UBE4A: variants seen among roughly 807,000 people sequenced by gnomAD.
UBE4A encodes the protein ubiquitination factor E4A.
Under a neutral mutation model 117.9 loss-of-function variants are expected in UBE4A, and 48 were observed. The observed-to-expected ratio is 0.41, with a 90% CI of 0.32 to 0.52. UBE4A has a LOEUF of 0.52. Among genes scored for constraint, UBE4A ranks in the 20% least tolerant of loss-of-function variants. The pLI is 0.33. For missense variants in UBE4A, 1,067 were observed against 1,296.3 expected (o/e 0.82, Z 2.72); for synonymous variants, 407 against 450.0 (o/e 0.90, Z 1.21).
chr11:118,379,990 A>C (rs922379072), intron 11 of UBE4A, among the ~76,000 whole-genome samples: 1 of 152,188 alleles, frequency 6.6e-6, no homozygotes, highest in Non-Finnish European at 1.5e-5. Context: ...GATTAAGTGT[A>C]ATCAGAGTTT....
Position 118,375,141 on chromosome 11 carries a change from C to T in UBE4A, c.1362C>T (p.Ser454=). Residue 454 remains serine (S), a synonymous_variant, in exon 9 of 20, where the codon TCC becomes TCT. Transcript: ENST00000252108. ...KLCQPFCKPR[S]SRLLTFNPTY... Reference sequence around the variant, plus strand: ...GCCAGCCATTTTGCAAACCCAGATCCTCTCGGCTCCTCACCTTTAATCCCA... The same window carrying T: ...GCCAGCCATTTTGCAAACCCAGATCTTCTCGGCTCCTCACCTTTAATCCCA... 6.2e-7 allele frequency: 1 copy of T among 1,614,172 alleles called. No individual in the cohort carries two copies. Among genetic ancestry groups the T allele is most frequent in the Non-Finnish European group, 8.5e-7 (1 of 1,180,030 alleles).
At chr11:118,396,269 G>A (rs781855591) in intron 19 of UBE4A, 45 bp from the exon 20 acceptor site, 48 of 1,584,770 alleles carry the variant, frequency 3.0e-5, no homozygotes, top group South Asian at 3.5e-5. Flanking sequence ...TAGAATGTTA[G>A]AACTTATGGA....
Position 118,389,705 on chromosome 11 carries a change from G to C in UBE4A, c.2588-20G>C, listed in dbSNP as rs1163791524. ...AGTGCTAATGGATTGAGTTTTCAGA[G>C]ACTTTGGATTCTTTTCCAGAGATCA... On this transcript the variant is annotated intron_variant, in intron 16 of 19. Coordinates refer to ENST00000252108, the MANE Select transcript of UBE4A (RefSeq NM_001204077.2). 6.4e-7 allele frequency: 1 copy of C among 1,564,168 alleles called. No individual in the cohort carries two copies. The highest frequency in any genetic ancestry group is 8.7e-7 in the Non-Finnish European group (1 of 1,144,266).
chr11:118,383,982 G>A lies in UBE4A; in HGVS notation c.2198-653G>A, dbSNP rs1053208507. 3.3e-5 allele frequency among the ~76,000 whole-genome samples: 5 copies of A among 152,238 alleles called. No individual in the cohort carries two copies. In the South Asian group the frequency reaches 1.0e-3, roughly 32 times the overall value. ...TATGTGACCATACAACCAAAGTGTTGTAATGGAGTACAATTTCTGTTTTAT... is the reference window on the plus strand; with the variant it reads ...TATGTGACCATACAACCAAAGTGTTATAATGGAGTACAATTTCTGTTTTAT... On this transcript the variant is annotated intron_variant, in intron 13 of 19. Coordinates refer to ENST00000252108, the MANE Select transcript of UBE4A (RefSeq NM_001204077.2).
At chr11:118,385,050 CT>C (rs782335448) in intron 15 of UBE4A, 105 bp downstream of exon 15, 2 of 1,018,666 alleles carry the variant, frequency 2.0e-6, no homozygotes, top group Non-Finnish European at 2.9e-6. Context: ...CCTTATGCCC[CT>C]AGTACCAGAC....
In UBE4A at chr11:118,389,748, C is replaced by A; in HGVS notation, c.2611C>A (p.Pro871Thr). ...TSEIKSLFVH[P>T]FLAERIISML... ...AGAGATCAAGTCACTCTTTGTGCAT[C>A]CCTTCCTGGCTGAGCGCATCATCTC... The change falls in exon 17 of 20, where the codon CCC (proline) becomes ACC (threonine). Residue 871 changes from proline (P) to threonine (T), a missense_variant. This residue lies in a region of UBE4A where 1,001 missense variants were observed against 1,184.0 expected (regional missense o/e 0.85). Coordinates refer to ENST00000252108, the MANE Select transcript of UBE4A (RefSeq NM_001204077.2). 1.2e-6 allele frequency: 2 copies of A among 1,609,900 alleles called. No homozygotes were observed. Among genetic ancestry groups the A allele is most frequent in the Non-Finnish European group, 1.7e-6 (2 of 1,176,592 alleles).
rs552070135 is a variant in UBE4A, at chr11:118,389,396, A to G, written c.2588-329A>G. Reference sequence around the variant, plus strand: ...CAGTAAGTTTCAGAATATGTAAAATATGATCATTTTTGTTTAAAAAATGTC... The same window carrying G: ...CAGTAAGTTTCAGAATATGTAAAATGTGATCATTTTTGTTTAAAAAATGTC... On this transcript the variant is annotated intron_variant, in intron 16 of 19. Coordinates refer to ENST00000252108, the MANE Select transcript of UBE4A (RefSeq NM_001204077.2). Among the ~76,000 whole-genome samples the G allele has an allele frequency of 5.3e-4, 81 of 152,356 alleles. 1 individual carries two copies. In the South Asian group the frequency reaches 0.01, roughly 19 times the overall value.
chr11:118,386,615 A>G lies in UBE4A; in HGVS notation c.2587+3A>G, dbSNP rs1555127305. On this transcript the variant is annotated splice_donor_region_variant and intron_variant, in intron 16 of 19. Coordinates refer to ENST00000252108, the MANE Select transcript of UBE4A (RefSeq NM_001204077.2). ...TACCCTTGCCTTTCTCACATCAGGT[A>G]AGGACATGAAGTACTGCTTCCCCCC... is the stretch of plus-strand genomic sequence containing the variant. 2.6e-6 allele frequency: 4 copies of G among 1,542,684 alleles called. No homozygotes were observed. In the South Asian group the frequency reaches 3.7e-5, roughly 14 times the overall value.
chr11:118,373,039 A>T, intron 6 of UBE4A, 47 bp from the exon 7 acceptor site: 1 of 1,555,086 alleles, frequency 6.4e-7, no homozygotes, highest in Non-Finnish European at 8.8e-7. Flanking sequence ...GTAAAGGCAT[A>T]TAAAAATTCT....
intron 4 of UBE4A, among the ~76,000 whole-genome samples, chr11:118,370,600 G>A (rs376456373): frequency 1.1e-4 from 17 of 151,024 alleles, no homozygotes; most frequent in Non-Finnish European, 2.1e-4. Context: ...CAGCCTGGGC[G>A]ACAGAGCAAG....
chr11:118,393,270 A>G (rs1207303115), intron 19 of UBE4A, among the ~76,000 whole-genome samples: 1 of 152,046 alleles, frequency 6.6e-6, no homozygotes, highest in Non-Finnish European at 1.5e-5. Flanking sequence ...ACAAAAAATT[A>G]GAGGGGCATG....
At chr11:118,361,000 G>A (rs1410746538) in intron 1 of UBE4A, among the ~76,000 whole-genome samples, 1 of 141,624 alleles carries the variant, frequency 7.1e-6, no homozygotes, top group East Asian at 2.5e-4. Context: ...GTGTGTGTGT[G>A]TGTGTGTATT....
At chr11:118,376,461 C>A in intron 9 of UBE4A, 113 bp from the exon 10 acceptor site, 1 of 1,389,914 alleles carries the variant, frequency 7.2e-7, no homozygotes, top group Non-Finnish European at 9.6e-7. Context: ...ACTAATATGA[C>A]AAGATATGTT....
chr11:118,372,603 T>A lies in UBE4A; in HGVS notation c.658T>A (p.Tyr220Asn). The A allele has an allele frequency of 6.2e-7, 1 of 1,614,206 alleles. No homozygotes were observed. The highest frequency in any genetic ancestry group is 8.5e-7 in the Non-Finnish European group (1 of 1,180,028). ...AACAGTTCTTCTCACCCCAGAGATCTATGTTGACCAAAACATCCATGAGCA... is the reference window on the plus strand; with the variant it reads ...AACAGTTCTTCTCACCCCAGAGATCAATGTTGACCAAAACATCCATGAGCA... ...TRTVLLTPEI[Y>N]VDQNIHEQLV... Residue 220 changes from tyrosine to asparagine, a missense_variant, in exon 6 of 20, where the codon TAT becomes AAT. Tyr to Asn is a moderately radical substitution (Grantham distance 143, BLOSUM62 -2). Transcript: ENST00000252108.
In UBE4A at chr11:118,396,979, T is replaced by C. The variant is rs1242911711; in HGVS notation, c.*539T>C. On this transcript the variant is annotated 3_prime_UTR_variant, in exon 20 of 20. Transcript: ENST00000252108. ...TCACATAAAAGCAGATACCTTTAAGTTTGTGTAGACTTCTGAATAAGATGA... is the reference window on the plus strand; with the variant it reads ...TCACATAAAAGCAGATACCTTTAAGCTTGTGTAGACTTCTGAATAAGATGA... 1 of 152,302 alleles carries C rather than the reference T, an allele frequency of 6.6e-6. No homozygotes were observed. The highest frequency in any genetic ancestry group is 2.4e-5 in the African/African-American group (1 of 41,452). The allele number at this position is 152,302 out of a possible 1,614,324, so 9.4% of individuals were successfully genotyped here.
chr11:118,389,585 A>T, intron 16 of UBE4A, 140 bp from the exon 17 acceptor site: 2 of 805,760 alleles, frequency 2.5e-6, no homozygotes, highest in Non-Finnish European at 3.5e-6. Flanking sequence ...TGAATTACTT[A>T]GTTTTTTAAA....
At chr11:118,395,345 A>G (rs2134117202) in intron 19 of UBE4A, among the ~76,000 whole-genome samples, 1 of 152,252 alleles carries the variant, frequency 6.6e-6, no homozygotes, top group East Asian at 1.9e-4. Flanking sequence ...AAAAAAAAAA[A>G]AAGAATTTTC....
intron 19 of UBE4A, among the ~76,000 whole-genome samples, chr11:118,394,523 C>G (rs1457157824): frequency 6.6e-6 from 1 of 152,284 alleles, no homozygotes; most frequent in East Asian, 1.9e-4. Context: ...GTAATCCCAG[C>G]ACTTTGGGAG....
intron 1 of UBE4A, among the ~76,000 whole-genome samples, chr11:118,360,238 C>G (rs1198250983): frequency 6.6e-6 from 1 of 152,152 alleles, no homozygotes; most frequent in Non-Finnish European, 1.5e-5. Flanking sequence ...AGTGACCATG[C>G]CTCATGACCT....
Sources: allele counts gnomAD v4.1 joint callset (sites outside exome capture counted in the v4.1 genomes callset), GRCh38; gene constraint gnomAD v4.1.1; regional missense constraint gnomAD v4.1.1; transcripts MANE v1.5; gene names NCBI Gene and HGNC (gene_info 2026-07-23, HGNC 2026-07-21).